SLC2A14: variants seen among roughly 807,000 people sequenced by gnomAD.
The protein encoded by SLC2A14 is solute carrier family 2 member 14, also known as solute carrier family 2, facilitated glucose transporter member 14.
SLC2A14 carries 13 observed loss-of-function variants against 43.0 expected under a neutral mutation model. The observed-to-expected ratio is 0.30, with a 90% CI of 0.20 to 0.48. SLC2A14 has a LOEUF of 0.48. Ranked by LOEUF, SLC2A14 falls within the 20% of genes least tolerant of loss-of-function variation. The pLI is 0.99. For missense variants in SLC2A14, 428 were observed against 620.4 expected (o/e 0.69, Z 3.29); for synonymous variants, 190 against 233.8 (o/e 0.81, Z 1.71).
chr12:7,848,381 TA>T (rs59952382), intron 2 of SLC2A14, among the ~76,000 whole-genome samples: 64,579 of 150,718 alleles, frequency 0.43, 13,838 homozygotes, highest in Middle Eastern at 0.53. Flanking sequence ...GTCTTTTTTT[TA>T]TTATTATTTT....
chr12:7,883,260 TTTC>T (rs990957821), intron 1 of SLC2A14, among the ~76,000 whole-genome samples: 2 of 106,866 alleles, frequency 1.9e-5, no homozygotes, highest in African/African-American at 3.3e-5. Context: ...TTTTTCTTTC[TTTC>T]TTTTTTTTTT....
At chr12:7,849,372 C>T (rs909267646) in intron 2 of SLC2A14, among the ~76,000 whole-genome samples, 6 of 151,862 alleles carry the variant, frequency 4.0e-5, no homozygotes, top group African/African-American at 9.7e-5. Flanking sequence ...GGTGTGGTGG[C>T]GCCCACCTGT....
At chr12:7,866,126 GT>G (rs1944893424) in intron 2 of SLC2A14, among the ~76,000 whole-genome samples, 2 of 151,372 alleles carry the variant, frequency 1.3e-5, no homozygotes, top group African/African-American at 4.9e-5. Context: ...CCAGGAGGCT[GT>G]GGCAGGAGAA....
intron 1 of SLC2A14, among the ~76,000 whole-genome samples, chr12:7,870,529 G>A (rs1945165988): frequency 6.6e-6 from 1 of 152,056 alleles, no homozygotes; most frequent in Non-Finnish European, 1.5e-5. Context: ...GATACGTTAT[G>A]TTGAACACCT....
intron 1 of SLC2A14, among the ~76,000 whole-genome samples, chr12:7,881,000 G>A (rs1416100094): frequency 6.6e-6 from 1 of 152,124 alleles, no homozygotes; most frequent in Admixed American, 6.6e-5. Flanking sequence ...ATTAACTGGC[G>A]TGGTGGCAGG....
At chr12:7,833,730 C>T (rs1031089785) in intron 2 of SLC2A14, among the ~76,000 whole-genome samples, 3 of 150,058 alleles carry the variant, frequency 2.0e-5, no homozygotes, top group African/African-American at 7.4e-5. Flanking sequence ...TGCAGTGAGC[C>T]GAGACCGTGC....
At chr12:7,843,910 G>T (rs1201388259) in intron 2 of SLC2A14, among the ~76,000 whole-genome samples, 1 of 149,848 alleles carries the variant, frequency 6.7e-6, no homozygotes, top group Non-Finnish European at 1.5e-5. Flanking sequence ...AAAACACATT[G>T]TTTTCTAGTG....
chr12:7,844,978 ACC>A (rs1328742999), intron 2 of SLC2A14, among the ~76,000 whole-genome samples: 2 of 152,158 alleles, frequency 1.3e-5, no homozygotes, highest in African/African-American at 4.8e-5. Flanking sequence ...TAACATTATC[ACC>A]ATTTTATAGG....
intron 1 of SLC2A14, among the ~76,000 whole-genome samples, chr12:7,888,919 G>A (rs1424382717): frequency 6.6e-6 from 1 of 151,918 alleles, no homozygotes; most frequent in African/African-American, 2.4e-5. Flanking sequence ...TCAGGTCTCT[G>A]GACTCTAATT....
rs773971708 is a variant in SLC2A14 at position 7,829,906 on chromosome 12, G to A, written c.373C>T (p.Arg125Cys). 11 of 1,614,042 alleles carry A rather than the reference G, an allele frequency of 6.8e-6. No homozygotes were observed. The highest frequency in any genetic ancestry group is 2.7e-5 in the African/African-American group (2 of 74,920). ...AESVEMLILGRLVIGLFCGLC... is the reference protein window; with the variant it reads ...AESVEMLILGCLVIGLFCGLC... ...CCGCAGAAGAGGCCAATAACCAAGC[G>A]GCCCAGGATCAGCATTTCAACTGAC... Residue 125 changes from arginine to cysteine, a missense_variant, in exon 5 of 11, where the codon CGC becomes TGC. By Grantham distance (180) the Arg-to-Cys change is radical. Around this residue, in one of 4 missense-constraint regions of SLC2A14, gnomAD observed 185 missense variants for 275.4 expected, o/e 0.67. Transcript: ENST00000431042.
chr12:7,868,898 A>G (rs1334338577), intron 2 of SLC2A14, among the ~76,000 whole-genome samples: 1 of 152,024 alleles, frequency 6.6e-6, no homozygotes, highest in Admixed American at 6.6e-5. Flanking sequence ...TAATCCCAGC[A>G]CTTTGGGAGG....
chr12:7,831,825 T>C (rs1865053558), intron 3 of SLC2A14, 61 bp from the exon 4 acceptor site: 1 of 1,595,402 alleles, frequency 6.3e-7, no homozygotes, highest in Non-Finnish European at 8.6e-7. Context: ...AAGATACAAA[T>C]ATGCTGGGTG....
At position 7,848,845 on chromosome 12, in the gene SLC2A14, C is replaced by T. The variant is rs184207992; in HGVS notation, c.19-16031G>A. Among the ~76,000 whole-genome samples the T allele has an allele frequency of 2.8e-4, 43 of 151,238 alleles. 1 individual carries two copies. In the East Asian group the frequency reaches 5.9e-3, roughly 21 times the overall value. ...TGCTGGGATTACAAGCATGAGCCAC[C>T]GCGCCCGGCCTCTTTTTTTTTCTTT... On this transcript the variant is annotated intron_variant, in intron 2 of 10. Transcript: ENST00000431042.
chr12:7,885,892 A>G (rs1191285347), intron 1 of SLC2A14, among the ~76,000 whole-genome samples: 2 of 152,146 alleles, frequency 1.3e-5, no homozygotes, highest in African/African-American at 4.8e-5. Flanking sequence ...TTGATGAAAC[A>G]GCCATGAGCA....
upstream of SLC2A14, among the ~76,000 whole-genome samples, chr12:7,875,485 G>A (rs1202381859): frequency 1.3e-5 from 2 of 150,562 alleles, no homozygotes; most frequent in Admixed American, 1.3e-4. Flanking sequence ...TCCAGCCTGT[G>A]TGACAGAGTG....
At chr12:7,842,710 CTT>C (rs1219923692) in intron 2 of SLC2A14, among the ~76,000 whole-genome samples, 1 of 149,782 alleles carries the variant, frequency 6.7e-6, no homozygotes, top group Non-Finnish European at 1.5e-5. Flanking sequence ...CACATCTACT[CTT>C]TCTTTTTCTC....
In SLC2A14 at chr12:7,817,627, C is replaced by T. The variant is rs770047199; in HGVS notation, c.1275+204G>A. Among the ~76,000 whole-genome samples, 159 of 152,130 alleles carry T rather than the reference C, an allele frequency of 1.0e-3. 1 individual carries two copies. The highest frequency in any genetic ancestry group is 3.7e-3 in the African/African-American group (153 of 41,542). ...ACTAAACATACAAAAATTAGCTGGGCACGGTGGCGGGTGCCTGTAGTCCCA... is the reference window on the plus strand; with the variant it reads ...ACTAAACATACAAAAATTAGCTGGGTACGGTGGCGGGTGCCTGTAGTCCCA... On this transcript the variant is annotated intron_variant, in intron 10 of 10. Coordinates refer to ENST00000431042, the MANE Select transcript of SLC2A14 (RefSeq NM_001286234.2).
chr12:7,869,234 G>C (rs1459622908), intron 2 of SLC2A14, among the ~76,000 whole-genome samples: 1 of 151,984 alleles, frequency 6.6e-6, no homozygotes, highest in African/African-American at 2.4e-5. Flanking sequence ...AGTTGGAGAT[G>C]CAAAGCATTC....
Position 7,832,717 on chromosome 12 carries a change from C to T in SLC2A14, c.111+5G>A, listed in dbSNP as rs1440109368. The stretch of plus-strand genomic sequence containing the variant: ...AGATTCTAATTCTTGTGGCCTGGCA[C>T]TCACCGTCTCAGGAGCATTGATGAC... On this transcript the variant is annotated splice_donor_5th_base_variant and intron_variant, in intron 3 of 10. Coordinates refer to ENST00000431042, the MANE Select transcript of SLC2A14 (RefSeq NM_001286234.2). 4.3e-6 allele frequency: 7 copies of T among 1,613,478 alleles called. No individual in the cohort carries two copies. Among genetic ancestry groups the T allele is most frequent in the Non-Finnish European group, 5.1e-6 (6 of 1,179,644 alleles).
Sources: allele counts gnomAD v4.1 joint callset (sites outside exome capture counted in the v4.1 genomes callset), GRCh38; gene constraint gnomAD v4.1.1; regional missense constraint gnomAD v4.1.1; transcripts MANE v1.5; gene names NCBI Gene and HGNC (gene_info 2026-07-23, HGNC 2026-07-21).